Variants in DPP6 observed in about 807,000 individuals in gnomAD.
The protein encoded by DPP6 is dipeptidyl peptidase like 6.
Under a neutral mutation model 122.6 loss-of-function variants are expected in DPP6, and 69 were observed. The ratio of observed to expected loss-of-function variants is 0.56; its 90% CI spans 0.46 to 0.69. The LOEUF (loss-of-function observed/expected upper bound fraction) is 0.69. DPP6 is among the 30% of genes least tolerant of loss of function. The pLI is 0.00. For synonymous variants in DPP6, 418 were observed against 433.1 expected (o/e 0.97, Z 0.43); for missense variants, 928 against 1,116.9 (o/e 0.83, Z 2.41).
intron 2 of DPP6, among the ~76,000 whole-genome samples, chr7:154,468,132 A>C (rs1586364317): frequency 1.3e-5 from 2 of 152,382 alleles, no homozygotes; most frequent in Admixed American, 1.3e-4. Flanking sequence ...AAAGGAATGA[A>C]GTAGTGGTAC....
At chr7:154,781,969 C>A (rs959097896) in intron 10 of DPP6, among the ~76,000 whole-genome samples, 1 of 152,238 alleles carries the variant, frequency 6.6e-6, no homozygotes, top group Admixed American at 6.5e-5. Flanking sequence ...ATGCTTCTCA[C>A]CAGGAAGAGT....
intron 1 of DPP6, among the ~76,000 whole-genome samples, chr7:154,209,997 C>A (rs1421673278): frequency 6.6e-6 from 1 of 152,146 alleles, no homozygotes; most frequent in Non-Finnish European, 1.5e-5. Context: ...GCAAGTGCTG[C>A]CTGGAAACAC....
At chr7:154,853,976 C>T in intron 17 of DPP6, 149 bp downstream of exon 17, 1 of 1,091,452 alleles carries the variant, frequency 9.2e-7, no homozygotes, top group Non-Finnish European at 1.3e-6. Context: ...ATGCTGATCA[C>T]CAATATCAAC....
At chr7:154,799,647 G>T (rs1798238395) in intron 12 of DPP6, among the ~76,000 whole-genome samples, 1 of 152,204 alleles carries the variant, frequency 6.6e-6, no homozygotes, top group South Asian at 2.1e-4. Flanking sequence ...TGGCAAAAAT[G>T]CTACAAATAA....
At chr7:153,911,477 A>G (rs532084786) in intron 1 of DPP6, among the ~76,000 whole-genome samples, 1 of 152,318 alleles carries the variant, frequency 6.6e-6, no homozygotes, top group East Asian at 1.9e-4. Flanking sequence ...TCCCTAGTAG[A>G]TGCTCTCCCA....
At chr7:154,233,855 A>C (rs7456519) in intron 1 of DPP6, among the ~76,000 whole-genome samples, 33,737 of 152,172 alleles carry the variant, frequency 0.22, 6,933 homozygotes, top group African/African-American at 0.55. Context: ...AAGTAAAAAG[A>C]GAAGCGAAGC....
intron 1 of DPP6, among the ~76,000 whole-genome samples, chr7:154,117,398 G>A (rs920366483): frequency 2.0e-5 from 3 of 152,130 alleles, no homozygotes; most frequent in African/African-American, 4.8e-5. Flanking sequence ...TTATACTGAT[G>A]TGCTCAGTAC....
At chr7:154,667,317 T>A (rs1383250374) in intron 6 of DPP6, among the ~76,000 whole-genome samples, 3 of 152,208 alleles carry the variant, frequency 2.0e-5, no homozygotes, top group Non-Finnish European at 4.4e-5. Context: ...TTTTATGTAG[T>A]CCAACTTATT....
chr7:154,874,798 C>T (rs75669331), intron 19 of DPP6, among the ~76,000 whole-genome samples: 3,117 of 152,290 alleles, frequency 0.02, 53 homozygotes, highest in Non-Finnish European at 0.031. Context: ...ATCTTTTTCC[C>T]GGCAAGAGGG....
At chr7:154,628,936 G>A (rs1415240357) in intron 5 of DPP6, among the ~76,000 whole-genome samples, 3 of 152,202 alleles carry the variant, frequency 2.0e-5, no homozygotes, top group Non-Finnish European at 4.4e-5. Flanking sequence ...CTCTCCTCAT[G>A]TCAGGTGAAA....
chr7:154,064,874 G>A (rs557269390), intron 1 of DPP6, among the ~76,000 whole-genome samples: 15 of 152,320 alleles, frequency 9.8e-5, no homozygotes, highest in South Asian at 2.1e-4. Flanking sequence ...CCGCAAGCGC[G>A]TTGCACAGAC....
chr7:154,757,960 C>T (rs1191272514), intron 8 of DPP6, among the ~76,000 whole-genome samples: 3 of 152,134 alleles, frequency 2.0e-5, no homozygotes, highest in South Asian at 2.1e-4. Flanking sequence ...AACCAAGTGC[C>T]GCGCTCTCCC....
chr7:153,910,788 T>A (rs1461223971), intron 1 of DPP6, among the ~76,000 whole-genome samples: 3 of 152,266 alleles, frequency 2.0e-5, no homozygotes, highest in Non-Finnish European at 1.5e-5. Flanking sequence ...CGACCTTTGG[T>A]TTCGTTCTCA....
intron 16 of DPP6, among the ~76,000 whole-genome samples, chr7:154,827,509 C>T (rs973111611): frequency 6.6e-6 from 1 of 151,932 alleles, no homozygotes; most frequent in Non-Finnish European, 1.5e-5. Flanking sequence ...CAGCCCTGGG[C>T]AGGAAGAGAG....
chr7:154,887,821 C>T, intron 23 of DPP6, 87 bp downstream of exon 23: 1 of 1,455,028 alleles, frequency 6.9e-7, no homozygotes, highest in African/African-American at 1.4e-5. Context: ...ATGGCCCACT[C>T]TGCCTTCCCC....
chr7:154,450,444 T>C (rs765194730), intron 2 of DPP6, among the ~76,000 whole-genome samples: 2 of 152,206 alleles, frequency 1.3e-5, no homozygotes, highest in Non-Finnish European at 2.9e-5. Flanking sequence ...TATTAAGCTA[T>C]GAGTTTGATA....
chr7:154,364,192 TAGAA>T (rs1457462158), intron 1 of DPP6, among the ~76,000 whole-genome samples: 1 of 152,218 alleles, frequency 6.6e-6, no homozygotes, highest in Non-Finnish European at 1.5e-5. Context: ...TATAAGCTTT[TAGAA>T]AAGACTGTTG....
chr7:154,266,378 C>T (rs1483709385), intron 1 of DPP6, among the ~76,000 whole-genome samples: 1 of 152,096 alleles, frequency 6.6e-6, no homozygotes, highest in African/African-American at 2.4e-5. Context: ...CTCAGGTGAT[C>T]CGCCAGCCTT....
chr7:154,807,301 G>A lies in DPP6; in HGVS notation c.1666+189G>A, dbSNP rs998943. On this transcript the variant is annotated intron_variant, in intron 16 of 25. Transcript: ENST00000377770. Reference sequence around the variant, plus strand: ...GATGACTGGACCCCCACAGAGCCTGGTGCAGTGGGGCTACTTTACGTTTCA... The same window carrying A: ...GATGACTGGACCCCCACAGAGCCTGATGCAGTGGGGCTACTTTACGTTTCA... Among the ~76,000 whole-genome samples, 112,965 of 151,862 alleles carry A rather than the reference G, an allele frequency of 0.74. 43,045 individuals carry two copies. The highest frequency in any genetic ancestry group is 0.84 in the Non-Finnish European group (56,794 of 67,920).
Sources: gnomAD v4.1 joint callset for allele counts (sites outside exome capture counted in the v4.1 genomes callset) on GRCh38, gnomAD v4.1.1 for gene constraint, MANE v1.5 for transcripts, NCBI Gene and HGNC (gene_info 2026-07-23, HGNC 2026-07-21) for gene names.